The following ZMAT4 variants were observed in gnomAD, a reference collection of about 807,000 sequenced individuals.
ZMAT4 encodes zinc finger matrin-type 4.
In ZMAT4, 17 loss-of-function variants were observed where a neutral mutation model predicts 28.7. The observed-to-expected ratio is 0.59, with a 90% CI of 0.41 to 0.89. The LOEUF (loss-of-function observed/expected upper bound fraction) is 0.89, where lower values mean the gene tolerates loss of function less well. Ranked by LOEUF, ZMAT4 falls within the 40% of genes least tolerant of loss-of-function variation. The pLI, the probability that ZMAT4 is intolerant of heterozygous loss-of-function variation, is 0.00. For missense variants in ZMAT4, 240 were observed against 283.8 expected (o/e 0.85, Z 1.11); for synonymous variants, 117 against 109.2 (o/e 1.07, Z -0.44).
chr8:40,881,757 T>C (rs567096405), intron 1 of ZMAT4, among the ~76,000 whole-genome samples: 4 of 152,198 alleles, frequency 2.6e-5, no homozygotes, highest in African/African-American at 4.8e-5. Flanking sequence ...TTCTTTTCCT[T>C]GTAGGAGGTG....
At chr8:40,769,913 G>T (rs944444851) in intron 2 of ZMAT4, among the ~76,000 whole-genome samples, 36 of 152,058 alleles carry the variant, frequency 2.4e-4, no homozygotes, top group Non-Finnish European at 2.5e-4. Flanking sequence ...GGCTGAAAAG[G>T]AAAGGAAAAT....
At chr8:40,536,526 C>T (rs1802852437) in intron 6 of ZMAT4, among the ~76,000 whole-genome samples, 1 of 152,192 alleles carries the variant, frequency 6.6e-6, no homozygotes, top group Non-Finnish European at 1.5e-5. Context: ...CTGTCTTTTA[C>T]TCATTATTCC....
intron 2 of ZMAT4, among the ~76,000 whole-genome samples, chr8:40,822,811 T>C (rs756647961): frequency 1.3e-5 from 2 of 152,152 alleles, no homozygotes; most frequent in Non-Finnish European, 2.9e-5. Flanking sequence ...CCACAATTAA[T>C]GGGAATGCAT....
intron 6 of ZMAT4, among the ~76,000 whole-genome samples, chr8:40,535,417 T>C (rs890146289): frequency 1.3e-5 from 2 of 152,138 alleles, no homozygotes; most frequent in Non-Finnish European, 2.9e-5. Flanking sequence ...ACGCCTGTAA[T>C]CCCAGCACTT....
intron 2 of ZMAT4, among the ~76,000 whole-genome samples, chr8:40,804,552 A>G (rs1309069413): frequency 1.3e-5 from 2 of 152,114 alleles, no homozygotes; most frequent in African/African-American, 4.8e-5. Context: ...TTAAAATATT[A>G]AGACCAGGCC....
chr8:40,551,301 T>C (rs1377619364), intron 6 of ZMAT4, among the ~76,000 whole-genome samples: 3 of 152,024 alleles, frequency 2.0e-5, no homozygotes, highest in Non-Finnish European at 4.4e-5. Flanking sequence ...CAGAAAAACA[T>C]AAGGGCAAAA....
At chr8:40,771,897 A>G (rs1813403923) in intron 2 of ZMAT4, among the ~76,000 whole-genome samples, 1 of 152,210 alleles carries the variant, frequency 6.6e-6, no homozygotes, top group Admixed American at 6.5e-5. Context: ...CCCAAGATTT[A>G]TTAGTACCAA....
chr8:40,686,882 AG>A (rs1315103956), intron 4 of ZMAT4, among the ~76,000 whole-genome samples: 1 of 152,080 alleles, frequency 6.6e-6, no homozygotes, highest in East Asian at 1.9e-4. Flanking sequence ...TTGACCACAG[AG>A]AAAACTAAGA....
At chr8:40,795,157 A>C (rs181230961) in intron 2 of ZMAT4, among the ~76,000 whole-genome samples, 9 of 152,270 alleles carry the variant, frequency 5.9e-5, no homozygotes, top group Admixed American at 5.9e-4. Flanking sequence ...CTCTGGACTT[A>C]GCCCTTACCT....
At chr8:40,835,053 G>A (rs981148709) in intron 1 of ZMAT4, among the ~76,000 whole-genome samples, 1 of 152,184 alleles carries the variant, frequency 6.6e-6, no homozygotes, top group Non-Finnish European at 1.5e-5. Context: ...GAACACTAAT[G>A]GATAAACTCC....
chr8:40,628,336 T>G (rs1806449956), intron 5 of ZMAT4, among the ~76,000 whole-genome samples: 1 of 152,220 alleles, frequency 6.6e-6, no homozygotes. Flanking sequence ...CACTGAATAA[T>G]ATTTTGGAAG....
chr8:40,688,858 C>T (rs578141462), intron 4 of ZMAT4, among the ~76,000 whole-genome samples: 7 of 152,276 alleles, frequency 4.6e-5, no homozygotes, highest in Non-Finnish European at 1.0e-4. Flanking sequence ...ATTCCAAAAA[C>T]GTAGCTAGGC....
At chr8:40,736,028 G>T (rs1811746800) in intron 3 of ZMAT4, among the ~76,000 whole-genome samples, 1 of 152,182 alleles carries the variant, frequency 6.6e-6, no homozygotes, top group Non-Finnish European at 1.5e-5. Flanking sequence ...ACAAGTAAAT[G>T]TCTCAGTAGA....
At chr8:40,576,367 C>T (rs182191031) in intron 6 of ZMAT4, among the ~76,000 whole-genome samples, 13 of 151,818 alleles carry the variant, frequency 8.6e-5, no homozygotes, top group Admixed American at 5.9e-4. Flanking sequence ...AGGCATATTA[C>T]GGTCAAACTG....
intron 6 of ZMAT4, among the ~76,000 whole-genome samples, chr8:40,558,808 G>A (rs1369150239): frequency 6.6e-6 from 1 of 151,980 alleles, no homozygotes; most frequent in Non-Finnish European, 1.5e-5. Flanking sequence ...AGCCACGACA[G>A]GATGAGAGGT....
chr8:40,695,617 T>C (rs1330580706), intron 4 of ZMAT4, among the ~76,000 whole-genome samples: 1 of 152,200 alleles, frequency 6.6e-6, no homozygotes, highest in East Asian at 1.9e-4. Context: ...CTTTTTCCTT[T>C]TCCTTTGGAA....
chr8:40,555,208 T>A (rs1402433255), intron 6 of ZMAT4, among the ~76,000 whole-genome samples: 2 of 152,168 alleles, frequency 1.3e-5, no homozygotes, highest in African/African-American at 4.8e-5. Context: ...TTCTTTATCC[T>A]TTCATCCATT....
At chr8:40,676,136 G>T (rs1196970879) in intron 4 of ZMAT4, among the ~76,000 whole-genome samples, 3 of 152,130 alleles carry the variant, frequency 2.0e-5, no homozygotes, top group African/African-American at 7.2e-5. Context: ...ATTGATTTCA[G>T]AAATGCCAGT....
At chr8:40,565,888 G>T (rs145794524) in intron 6 of ZMAT4, among the ~76,000 whole-genome samples, 2,437 of 151,830 alleles carry the variant, frequency 0.016, 25 homozygotes, top group Middle Eastern at 0.078. Context: ...CTGCTAATAG[G>T]ACTCCAGGAC....
Sources: gnomAD v4.1 joint callset for allele counts (sites outside exome capture counted in the v4.1 genomes callset) on GRCh38, gnomAD v4.1.1 for gene constraint, MANE v1.5 for transcripts, NCBI Gene and HGNC (gene_info 2026-07-23, HGNC 2026-07-21) for gene names.